The following FABP6 variants were observed in gnomAD, a reference collection of about 807,000 sequenced individuals.
FABP6 encodes gastrotropin.
FABP6 carries 13 observed loss-of-function variants against 14.9 expected under a neutral mutation model. The observed-to-expected ratio is 0.87, with a 90% CI of 0.57 to 1.39. FABP6 has a LOEUF of 1.39. Among genes scored for constraint, FABP6 ranks in the 40% most tolerant of loss-of-function variants. The probability of loss-of-function intolerance (pLI) is 0.00; values close to 1 mark genes in which losing one functional copy is unlikely to be tolerated. For synonymous variants in FABP6, 75 were observed against 63.6 expected (o/e 1.18, Z -0.85); for missense variants, 161 against 167.2 (o/e 0.96, Z 0.20).
chr5:160,236,873 T>G (rs967653272), intron 3 of FABP6, among the ~76,000 whole-genome samples: 10 of 151,112 alleles, frequency 6.6e-5, no homozygotes, highest in African/African-American at 2.4e-4. Context: ...TCCCAGCTAC[T>G]TAGGAGGCTG....
intron 3 of FABP6, 42 bp downstream of exon 3, chr5:160,234,951 G>T (rs1760474497): frequency 6.3e-7 from 1 of 1,576,124 alleles, no homozygotes; most frequent in Admixed American, 1.7e-5. Flanking sequence ...TTGGATATTT[G>T]TCTGCCTCTT....
chr5:160,195,907 C>CTCTCCTAGAGTTT, intron 1 of FABP6: 3 of 152,282 alleles, frequency 2.0e-5, no homozygotes, highest in South Asian at 2.1e-4. Context: ...TCAGGGAGGC[C>CTCTCCTAGAGTTT]TGCAGTCTGC....
chr5:160,222,589 C>T (rs1429257944), intron 3 of FABP6, among the ~76,000 whole-genome samples: 1 of 152,214 alleles, frequency 6.6e-6, no homozygotes, highest in Non-Finnish European at 1.5e-5. Flanking sequence ...CCACCTCAGC[C>T]TCCCAAAGTG....
At chr5:160,200,669 C>A (rs1759617252) in intron 2 of FABP6, among the ~76,000 whole-genome samples, 1 of 152,320 alleles carries the variant, frequency 6.6e-6, no homozygotes, top group Admixed American at 6.5e-5. Context: ...CCGCCTTGGC[C>A]TCCCAAAGTG....
chr5:160,190,348 T>C (rs1284977692), intron 1 of FABP6, among the ~76,000 whole-genome samples: 2 of 152,168 alleles, frequency 1.3e-5, no homozygotes, highest in East Asian at 3.8e-4. Flanking sequence ...TTCTCCTCCC[T>C]TAGCCTCCCG....
intron 2 of FABP6, among the ~76,000 whole-genome samples, chr5:160,211,981 T>C (rs969134478): frequency 2.6e-5 from 3 of 114,760 alleles, no homozygotes; most frequent in African/African-American, 9.8e-5. Context: ...CCTATGCAAG[T>C]TCTTTTTTTT....
rs892071829 is a variant in FABP6 at position 160,234,999 on chromosome 5, G to A, written c.333+90G>A. 5 of 1,068,226 alleles carry A rather than the reference G, an allele frequency of 4.7e-6. No individual in the cohort carries two copies. In the African/African-American group the frequency reaches 4.8e-5, roughly 10 times the overall value. The allele number at this position is 1,068,226 out of a possible 1,614,324, so 66.2% of individuals were successfully genotyped here. On this transcript the variant is annotated intron_variant, in intron 3 of 3. Transcript: ENST00000402432. The stretch of plus-strand genomic sequence containing the variant: ...TCAGAAGTAGGCCTCTACGCAGCTG[G>A]CTTTACCAGCACTTCCCTTGTACCA...
chr5:160,193,417 C>T (rs990514995), intron 1 of FABP6, among the ~76,000 whole-genome samples: 2 of 152,056 alleles, frequency 1.3e-5, no homozygotes, highest in Non-Finnish European at 2.9e-5. Flanking sequence ...ACAAGGCTTC[C>T]ACAGTGTGGA....
chr5:160,225,413 T>C (rs1264130156), upstream of FABP6, among the ~76,000 whole-genome samples: 1 of 149,086 alleles, frequency 6.7e-6, no homozygotes, highest in Non-Finnish European at 1.5e-5. Context: ...TTTTTTTTTT[T>C]TTTTTTGAGG....
intron 2 of FABP6, among the ~76,000 whole-genome samples, chr5:160,211,351 C>T (rs1181206244): frequency 6.6e-6 from 1 of 152,164 alleles, no homozygotes; most frequent in Non-Finnish European, 1.5e-5. Flanking sequence ...TGGGCTTTCT[C>T]TCCTGGTATT....
chr5:160,223,931 C>G (rs1233515660), intron 3 of FABP6, among the ~76,000 whole-genome samples: 1 of 75,152 alleles, frequency 1.3e-5, no homozygotes, highest in African/African-American at 6.4e-5. Flanking sequence ...GAGATCCCAT[C>G]TCTACAAAAA....
upstream of FABP6, chr5:160,228,523 G>A (rs2113134821): frequency 2.2e-6 from 1 of 456,336 alleles, no homozygotes; most frequent in East Asian, 6.9e-5. Context: ...AGGAGATAGA[G>A]TCCCTGCATG....
chr5:160,236,764 A>C (rs1215324392), intron 3 of FABP6, among the ~76,000 whole-genome samples: 1 of 151,758 alleles, frequency 6.6e-6, no homozygotes, highest in Non-Finnish European at 1.5e-5. Flanking sequence ...CTGAGGTCAG[A>C]AGTTCAAGAC....
At chr5:160,198,370 G>A (rs890421562) in intron 1 of FABP6, 1 of 152,300 alleles carries the variant, frequency 6.6e-6, no homozygotes, top group East Asian at 1.9e-4. Context: ...ATCCACCAGG[G>A]TCAGGCTCCT....
At chr5:160,199,141 T>C in exon 2 of FABP6, 1 of 1,614,162 alleles carries the variant, frequency 6.2e-7, no homozygotes, top group Non-Finnish European at 8.5e-7. Flanking sequence ...GTGGTGGAGA[T>C]GCAGGCGCTG....
At chr5:160,232,062 C>T (rs746407438) in intron 1 of FABP6, 36 bp from the exon 2 acceptor site, 12 of 1,608,816 alleles carry the variant, frequency 7.5e-6, no homozygotes, top group African/African-American at 1.3e-5. Flanking sequence ...TTAAAAGCAG[C>T]TCTTATATGG....
chr5:160,227,800 A>C, upstream of FABP6, among the ~76,000 whole-genome samples: 1 of 149,360 alleles, frequency 6.7e-6, no homozygotes, highest in Admixed American at 6.7e-5. Flanking sequence ...TTATATATAT[A>C]ACTTAAAAAA....
At chr5:160,235,385 C>T (rs191136700) in intron 3 of FABP6, among the ~76,000 whole-genome samples, 1 of 152,118 alleles carries the variant, frequency 6.6e-6, no homozygotes, top group East Asian at 1.9e-4. Context: ...ATTTGCACTT[C>T]CGTGTGAAAT....
At chr5:160,195,731 C>T (rs1759496807) in intron 1 of FABP6, 1 of 152,188 alleles carries the variant, frequency 6.6e-6, no homozygotes, top group Admixed American at 6.5e-5. Flanking sequence ...GTGAACCAGC[C>T]CACCTGGCTA....
Sources: allele counts gnomAD v4.1 joint callset (sites outside exome capture counted in the v4.1 genomes callset), GRCh38; gene constraint gnomAD v4.1.1; transcripts MANE v1.5; gene names NCBI Gene and HGNC (gene_info 2026-07-23, HGNC 2026-07-21).